Variants in FOXP4 observed in about 807,000 individuals in gnomAD.
FOXP4 encodes the protein forkhead box P4.
FOXP4 carries 25 observed loss-of-function variants against 82.6 expected under a neutral mutation model. The ratio of observed to expected loss-of-function variants is 0.30; its 90% confidence interval spans 0.22 to 0.42. The LOEUF (loss-of-function observed/expected upper bound fraction) is 0.42. Ranked by LOEUF, FOXP4 falls within the 10% of genes least tolerant of loss-of-function variation. The probability of loss-of-function intolerance (pLI) is 1.00; values close to 1 mark genes in which losing one functional copy is unlikely to be tolerated. For synonymous variants in FOXP4, 415 were observed against 388.2 expected (o/e 1.07, Z -0.81); for missense variants, 785 against 900.9 (o/e 0.87, Z 1.65).
At chr6:41,587,191 A>G (rs1766187362) in intron 6 of FOXP4, 35 bp downstream of exon 6, 10 of 1,607,996 alleles carry the variant, frequency 6.2e-6, no homozygotes, top group Non-Finnish European at 8.5e-6. Flanking sequence ...CCCAGCCCCA[A>G]CCCCACAGCC....
At chr6:41,561,316 G>A (rs1764566147) in intron 1 of FOXP4, among the ~76,000 whole-genome samples, 1 of 131,548 alleles carries the variant, frequency 7.6e-6, no homozygotes, top group African/African-American at 3.2e-5. Flanking sequence ...GGCCTCCGGT[G>A]CTATCTCCCA....
intron 13 of FOXP4, among the ~76,000 whole-genome samples, chr6:41,594,165 A>T (rs1489213786): frequency 6.6e-6 from 1 of 152,196 alleles, no homozygotes; most frequent in African/African-American, 2.4e-5. Flanking sequence ...TCTTGAAGTT[A>T]TCCTGCCAGG....
chr6:41,578,868 T>C (rs2127377864), intron 3 of FOXP4, among the ~76,000 whole-genome samples: 1 of 151,704 alleles, frequency 6.6e-6, no homozygotes, highest in Middle Eastern at 3.4e-3. Context: ...CCCCCACCCC[T>C]CCCCCAGCAG....
At chr6:41,572,263 G>A (rs1475700964) in intron 2 of FOXP4, among the ~76,000 whole-genome samples, 1 of 152,024 alleles carries the variant, frequency 6.6e-6, no homozygotes, top group Non-Finnish European at 1.5e-5. Context: ...TCCTCCTGAT[G>A]TTGTGTCTCC....
chr6:41,572,377 G>C (rs780655278), intron 2 of FOXP4, among the ~76,000 whole-genome samples: 1 of 152,134 alleles, frequency 6.6e-6, no homozygotes, highest in Non-Finnish European at 1.5e-5. Flanking sequence ...TTTGTGTAGT[G>C]TCTGTCTCGG....
At chr6:41,586,789 C>T (rs114333040) in intron 5 of FOXP4, among the ~76,000 whole-genome samples, 1,664 of 152,072 alleles carry the variant, frequency 0.011, 15 homozygotes, top group South Asian at 0.028. Context: ...TGTGTGTTTG[C>T]GCGCGTGCGT....
rs964871813 is a variant in FOXP4, at chr6:41,588,497, G to A, written c.978-147G>A. On this transcript the variant is annotated intron_variant, in intron 8 of 16. Coordinates refer to ENST00000307972, the MANE Select transcript of FOXP4 (RefSeq NM_001012426.2). ...GAGAAGGGAGAAGCCTTCCTCCATT[G>A]CCCCGTTTTTCCACCTCTTTCTCTT... is the stretch of plus-strand genomic sequence containing the variant. 74 of 748,560 alleles carry A rather than the reference G, an allele frequency of 9.9e-5. No individual in the cohort carries two copies. In the Middle Eastern group the frequency reaches 2.0e-3, roughly 20 times the overall value. 46.4% of individuals were successfully genotyped at this position (748,560 alleles called of 1,614,324 possible). A position where few individuals can be genotyped will look rare whatever the true frequency, so the allele number is the denominator to read the frequency against.
chr6:41,589,854 A>G lies in FOXP4; in HGVS notation c.1149A>G (p.Pro383=). ...CGGAGCCCAAGCCCTTCAGCCAGCC[A>G]GTGAGTGCTGCTCCCCTCCCCGCCC... The part of the protein sequence containing the change: ...RPSEPKPFSQ[P]LNPVPGSSSF... Residue 383 remains proline, a splice_region_variant and synonymous_variant, in exon 10 of 17, where the codon CCA becomes CCG. Transcript: ENST00000307972. The G allele has an allele frequency of 6.2e-7, 1 of 1,611,090 alleles. No individual in the cohort carries two copies. The highest frequency in any genetic ancestry group is 8.5e-7 in the Non-Finnish European group (1 of 1,179,870).
At chr6:41,595,059 C>G in intron 14 of FOXP4, 68 bp downstream of exon 14, 1 of 1,603,168 alleles carries the variant, frequency 6.2e-7, no homozygotes, top group Non-Finnish European at 8.5e-7. Flanking sequence ...CCCCCACCCC[C>G]TACCTCTCCA....
At chr6:41,574,779 T>C (rs999062430) in intron 2 of FOXP4, among the ~76,000 whole-genome samples, 15 of 152,188 alleles carry the variant, frequency 9.9e-5, no homozygotes, top group African/African-American at 3.4e-4. Flanking sequence ...GCGTGGTCGA[T>C]GTGACCCTCC....
chr6:41,598,098 C>T, intron 16 of FOXP4, 148 bp downstream of exon 16: 2 of 627,088 alleles, frequency 3.2e-6, no homozygotes, highest in East Asian at 6.5e-5. Context: ...CTTCCCTCAG[C>T]CCTCTCAGCC....
rs750938751 is a variant in FOXP4 at position 41,587,490 on chromosome 6, G to A, written c.850G>A (p.Val284Met). 1 of 1,527,080 alleles carries A rather than the reference G, an allele frequency of 6.5e-7. No individual in the cohort carries two copies. The highest frequency in any genetic ancestry group is 1.3e-5 in the South Asian group (1 of 76,822). 94.6% of individuals were successfully genotyped at this position (1,527,080 alleles called of 1,614,324 possible). ...TACCCTGCCCAACGGACAGCCTACT[G>A]TGCTCACATCTCGGAGAGACAGGTA... The part of the protein sequence containing the change: ...HHTLPNGQPT[V>M]LTSRRDSSSH... Residue 284 changes from valine to methionine, a missense_variant, in exon 7 of 17, where the codon GTG (valine) becomes ATG (methionine). Physicochemically the swap from Val to Met is conservative, Grantham distance 21 (BLOSUM62 1). This residue lies in a region of FOXP4 where 570 missense variants were observed against 634.0 expected (regional missense o/e 0.90). Coordinates refer to ENST00000307972, the MANE Select transcript of FOXP4 (RefSeq NM_001012426.2).
chr6:41,560,470 G>A (rs1581711471), intron 1 of FOXP4, among the ~76,000 whole-genome samples: 1 of 152,206 alleles, frequency 6.6e-6, no homozygotes. Context: ...CGGGCTACCT[G>A]TGGTCGTTCC....
intron 3 of FOXP4, among the ~76,000 whole-genome samples, chr6:41,579,330 G>T (rs1465368363): frequency 6.6e-6 from 1 of 152,122 alleles, no homozygotes; most frequent in South Asian, 2.1e-4. Flanking sequence ...AGATCTAAAA[G>T]GTTCTCATAC....
chr6:41,587,598 AG>A, intron 7 of FOXP4, 86 bp downstream of exon 7: 1 of 1,194,560 alleles, frequency 8.4e-7, no homozygotes, highest in Non-Finnish European at 1.2e-6. Flanking sequence ...ACTGTGAGGG[AG>A]GGGGTGGAGC....
intron 1 of FOXP4, among the ~76,000 whole-genome samples, chr6:41,565,358 TCAAAAA>T (rs1192132137): frequency 2.6e-5 from 4 of 152,150 alleles, no homozygotes; most frequent in African/African-American, 9.6e-5. Context: ...AGACTGTGTC[TCAAAAA>T]CAAACAAACA....
chr6:41,587,554 G>T (rs374970122), intron 7 of FOXP4, 42 bp downstream of exon 7: 1 of 1,480,792 alleles, frequency 6.8e-7, no homozygotes, highest in Admixed American at 2.3e-5. Context: ...AGGCCTGCCT[G>T]GGGGTAGACC....
chr6:41,595,153 A>T (rs1398860367), intron 14 of FOXP4, among the ~76,000 whole-genome samples, 162 bp downstream of exon 14: 1 of 152,230 alleles, frequency 6.6e-6, no homozygotes, highest in Non-Finnish European at 1.5e-5. Context: ...GCTTGGGGAC[A>T]GGGGGCTGGA....
At chr6:41,557,131 A>G (rs190314221) in intron 1 of FOXP4, among the ~76,000 whole-genome samples, 43 of 152,262 alleles carry the variant, frequency 2.8e-4, no homozygotes, top group African/African-American at 9.9e-4. Context: ...CCCCACTCTG[A>G]CCTTAGGGAA....
Sources: gnomAD v4.1 joint callset for allele counts (sites outside exome capture counted in the v4.1 genomes callset) on GRCh38, gnomAD v4.1.1 for gene constraint, gnomAD v4.1.1 regional missense constraint, MANE v1.5 for transcripts, NCBI Gene and HGNC (gene_info 2026-07-23, HGNC 2026-07-21) for gene names.